The following KIAA1549L variants were observed in gnomAD, a reference collection of about 807,000 sequenced individuals.
KIAA1549L encodes the protein KIAA1549 like.
KIAA1549L carries 88 observed loss-of-function variants against 160.7 expected under a neutral mutation model. That is an observed-to-expected ratio of 0.55 (90% CI 0.46 to 0.65). The LOEUF is 0.65. Among genes scored for constraint, KIAA1549L ranks in the 30% least tolerant of loss-of-function variants. The pLI is 0.00. For missense variants in KIAA1549L, 2,258 were observed against 2,437.5 expected (o/e 0.93, Z 1.55); for synonymous variants, 950 against 976.7 (o/e 0.97, Z 0.51).
chr11:33,424,691 A>G (rs1035917403), intron 1 of KIAA1549L, among the ~76,000 whole-genome samples: 1 of 152,192 alleles, frequency 6.6e-6, no homozygotes, highest in Non-Finnish European at 1.5e-5. Context: ...GTCCCCTCAT[A>G]CATGCTCTAC....
chr11:33,581,881 C>G (rs544614590), intron 10 of KIAA1549L, among the ~76,000 whole-genome samples: 352 of 151,998 alleles, frequency 2.3e-3, no homozygotes, highest in Non-Finnish European at 4.1e-3. Context: ...CATACTGCAC[C>G]AAGAAGAAGC....
At chr11:33,645,318 GA>G (rs1475988075) in intron 16 of KIAA1549L, among the ~76,000 whole-genome samples, 7 of 151,834 alleles carry the variant, frequency 4.6e-5, no homozygotes, top group Non-Finnish European at 7.4e-5. Context: ...TAGATTACAA[GA>G]CATTCCAGGG....
At chr11:33,605,643 T>C (rs1268195548) in intron 13 of KIAA1549L, among the ~76,000 whole-genome samples, 2 of 152,322 alleles carry the variant, frequency 1.3e-5, no homozygotes, top group East Asian at 3.9e-4. Context: ...ACTATGTGTT[T>C]CTCAATAATT....
intron 1 of KIAA1549L, among the ~76,000 whole-genome samples, chr11:33,515,298 A>T (rs556093877): frequency 1.3e-5 from 2 of 152,124 alleles, no homozygotes; most frequent in East Asian, 3.9e-4. Flanking sequence ...TCTCCATACC[A>T]GTGTTCTCTG....
intron 3 of KIAA1549L, among the ~76,000 whole-genome samples, chr11:33,546,426 A>AG (rs1377300965): frequency 6.6e-6 from 1 of 151,844 alleles, no homozygotes; most frequent in African/African-American, 2.4e-5. Flanking sequence ...TCTTCTTCCC[A>AG]GCCCCCCCAC....
chr11:33,393,304 T>A (rs1049901761), intron 1 of KIAA1549L, among the ~76,000 whole-genome samples: 4 of 152,170 alleles, frequency 2.6e-5, no homozygotes, highest in African/African-American at 9.7e-5. Context: ...CAGGCAGCCT[T>A]CCCTGGCATG....
chr11:33,482,342 T>C (rs1590277684), intron 1 of KIAA1549L, among the ~76,000 whole-genome samples: 1 of 152,306 alleles, frequency 6.6e-6, no homozygotes, highest in African/African-American at 2.4e-5. Context: ...TGCTGGAATT[T>C]CTAGAGCTAG....
At chr11:33,585,051 A>G (rs1855767460) in intron 11 of KIAA1549L, among the ~76,000 whole-genome samples, 1 of 152,164 alleles carries the variant, frequency 6.6e-6, no homozygotes, top group African/African-American at 2.4e-5. Flanking sequence ...AAACTGATAC[A>G]CCTGTTTTGA....
At chr11:33,500,181 T>C (rs1200667997) in intron 1 of KIAA1549L, among the ~76,000 whole-genome samples, 1 of 152,224 alleles carries the variant, frequency 6.6e-6, no homozygotes, top group Non-Finnish European at 1.5e-5. Context: ...TTCAGGGTGT[T>C]AGGAAATACT....
intron 15 of KIAA1549L, among the ~76,000 whole-genome samples, chr11:33,617,769 G>A (rs544816094): frequency 6.7e-5 from 10 of 150,014 alleles, no homozygotes; most frequent in South Asian, 2.1e-4. Context: ...GTAGGCATTC[G>A]GTAAATGATG....
At chr11:33,428,118 C>T (rs923519036) in intron 1 of KIAA1549L, among the ~76,000 whole-genome samples, 4 of 152,156 alleles carry the variant, frequency 2.6e-5, no homozygotes, top group African/African-American at 9.7e-5. Context: ...TTTCAGTTCT[C>T]TTGGGTGCAT....
At chr11:33,528,933 C>T (rs1332768011) in intron 1 of KIAA1549L, among the ~76,000 whole-genome samples, 1 of 152,120 alleles carries the variant, frequency 6.6e-6, no homozygotes, top group African/African-American at 2.4e-5. Flanking sequence ...CTTTTCCATA[C>T]AACCAAACAG....
intron 16 of KIAA1549L, among the ~76,000 whole-genome samples, chr11:33,633,535 T>C (rs1341458870): frequency 6.6e-6 from 1 of 152,084 alleles, no homozygotes; most frequent in Admixed American, 6.5e-5. Flanking sequence ...GATGGAATAG[T>C]GCTAACTCAC....
At chr11:33,599,970 A>AT (rs1564918297) in intron 13 of KIAA1549L, among the ~76,000 whole-genome samples, 1 of 151,962 alleles carries the variant, frequency 6.6e-6, no homozygotes, top group East Asian at 1.9e-4. Flanking sequence ...GTGTTGGAAT[A>AT]TTTTTTTGTT....
At position 33,606,829 on chromosome 11, in the gene KIAA1549L, G is replaced by A. The variant is rs1220515295; in HGVS notation, c.5061+7G>A. ...GGCAGTCCTCAACGGCGAGGTAAGTGCCTGGAGACCCAGGGCAGGAGATGG... is the reference window on the plus strand; with the variant it reads ...GGCAGTCCTCAACGGCGAGGTAAGTACCTGGAGACCCAGGGCAGGAGATGG... On this transcript the variant is annotated splice_region_variant and intron_variant, in intron 14 of 20. Transcript: ENST00000658780. 8.2e-6 allele frequency: 13 copies of A among 1,592,528 alleles called. No homozygotes were observed. Among genetic ancestry groups the A allele is most frequent in the Non-Finnish European group, 1.1e-5 (13 of 1,168,474 alleles).
intron 12 of KIAA1549L, 21 bp from the exon 13 acceptor site, chr11:33,598,799 T>C (rs1395900682): frequency 6.2e-7 from 1 of 1,613,542 alleles, no homozygotes; most frequent in South Asian, 1.1e-5. Flanking sequence ...CCGTCTCCCC[T>C]GTTGCTATGG....
At chr11:33,596,733 T>C (rs1216984755) in intron 12 of KIAA1549L, among the ~76,000 whole-genome samples, 1 of 152,156 alleles carries the variant, frequency 6.6e-6, no homozygotes, top group Non-Finnish European at 1.5e-5. Context: ...ATCAAGACTC[T>C]CAAAAACTCA....
Position 33,606,058 on chromosome 11 carries a change from C to T in KIAA1549L, c.4880-583C>T, listed in dbSNP as rs1850490925. Among the ~76,000 whole-genome samples the T allele has an allele frequency of 1.3e-5, 2 of 151,990 alleles. 1 individual carries two copies. Among genetic ancestry groups the T allele is most frequent in the South Asian group, 4.2e-4 (2 of 4,816 alleles). On this transcript the variant is annotated intron_variant, in intron 13 of 20. Coordinates refer to ENST00000658780, the MANE Select transcript of KIAA1549L (RefSeq NM_012194.3). ...AAATTAGTTTCTCTGGCGGAATTTT[C>T]GTAGCTTTCTTTTATTTTAGACAAA...
chr11:33,637,477 T>C (rs1452673661), intron 16 of KIAA1549L, among the ~76,000 whole-genome samples: 1 of 152,228 alleles, frequency 6.6e-6, no homozygotes, highest in Non-Finnish European at 1.5e-5. Flanking sequence ...GGACCCTGCC[T>C]TCCTCTCCAG....
Sources: gnomAD v4.1 joint callset for allele counts (sites outside exome capture counted in the v4.1 genomes callset) on GRCh38, gnomAD v4.1.1 for gene constraint, MANE v1.5 for transcripts, NCBI Gene and HGNC (gene_info 2026-07-23, HGNC 2026-07-21) for gene names.